The following WAPL variants were observed in gnomAD, a reference collection of about 807,000 sequenced individuals.
The protein encoded by WAPL is WAPL cohesin release factor.
Under a neutral mutation model 121.0 loss-of-function variants are expected in WAPL, and 5 were observed. That is an observed-to-expected ratio of 0.04 (90% CI 0.02 to 0.09). WAPL has a LOEUF of 0.09. WAPL is among the 10% of genes least tolerant of loss of function. WAPL has a pLI of 1.00. For missense variants in WAPL, 999 were observed against 1,410.8 expected (o/e 0.71, Z 4.68); for synonymous variants, 480 against 481.5 (o/e 1.00, Z 0.04).
At chr10:86,520,410 A>G (rs1453958364) in intron 1 of WAPL, among the ~76,000 whole-genome samples, 4 of 152,254 alleles carry the variant, frequency 2.6e-5, no homozygotes, top group Non-Finnish European at 5.9e-5. Context: ...TTAAGGAATG[A>G]GAAGTGTATA....
At chr10:86,500,879 AAC>A in intron 2 of WAPL, 136 bp from the exon 3 acceptor site, 1 of 771,976 alleles carries the variant, frequency 1.3e-6, no homozygotes, top group Non-Finnish European at 2.0e-6. Context: ...TGAAGAAATT[AAC>A]ATTTACATAT....
chr10:86,466,350 C>T (rs1397930945), intron 9 of WAPL, among the ~76,000 whole-genome samples: 1 of 152,140 alleles, frequency 6.6e-6, no homozygotes, highest in Non-Finnish European at 1.5e-5. Flanking sequence ...AGGAAGATCG[C>T]TTGAGCCCAG....
intron 3 of WAPL, among the ~76,000 whole-genome samples, chr10:86,499,374 C>A (rs371179397): frequency 6.6e-5 from 10 of 152,016 alleles, no homozygotes; most frequent in African/African-American, 2.4e-4. Context: ...TTAAAGTAGC[C>A]CCCCCAGCCA....
At chr10:86,493,030 G>C (rs563563048) in intron 4 of WAPL, among the ~76,000 whole-genome samples, 3 of 150,346 alleles carry the variant, frequency 2.0e-5, no homozygotes, top group Admixed American at 1.3e-4. Context: ...CACTGCACTC[G>C]AGCCTGGGTG....
In WAPL at chr10:86,437,546, G is replaced by C; in HGVS notation, c.3570C>G (p.Cys1190Trp). Reference sequence around the variant, plus strand: ...ACCTGAAGCAAAGGTAAAGCAGCTAGCAATGTTCCAAATATTCAATCACTC... The same window carrying C: ...ACCTGAAGCAAAGGTAAAGCAGCTACCAATGTTCCAAATATTCAATCACTC... ...ISRVIEYLEH[C>W] Residue 1190 changes from cysteine to tryptophan, a missense_variant, in exon 19 of 19, where the codon TGC becomes TGG. Coordinates refer to ENST00000298767, the MANE Select transcript of WAPL (RefSeq NM_015045.5). 1 of 1,613,688 alleles carries C rather than the reference G, an allele frequency of 6.2e-7. No individual in the cohort carries two copies. Among genetic ancestry groups the C allele is most frequent in the Non-Finnish European group, 8.5e-7 (1 of 1,179,874 alleles).
At chr10:86,507,668 G>A (rs1055898855) in intron 2 of WAPL, among the ~76,000 whole-genome samples, 5 of 150,596 alleles carry the variant, frequency 3.3e-5, no homozygotes. Flanking sequence ...GAAGCTTGCC[G>A]TATATCCTAA....
chr10:86,443,307 G>C lies in WAPL; in HGVS notation c.3379C>G (p.Leu1127Val), dbSNP rs747937318. ...TCCTGGCAGAGACACCCAAGAAGTAGTGCTGTGTAGGAGGCCACAATGCAA... is the reference window on the plus strand; with the variant it reads ...TCCTGGCAGAGACACCCAAGAAGTACTGCTGTGTAGGAGGCCACAATGCAA... ...EDCIVASYTALLLGCLCQESP... is the reference protein window; with the variant it reads ...EDCIVASYTAVLLGCLCQESP... The change falls in exon 17 of 19, where the codon CTA (leucine) becomes GTA (valine). Residue 1127 changes from leucine (L) to valine (V), a missense_variant. Leu to Val is a conservative substitution (Grantham distance 32). Coordinates refer to ENST00000298767, the MANE Select transcript of WAPL (RefSeq NM_015045.5). 6.2e-7 allele frequency: 1 copy of C among 1,613,888 alleles called. No homozygotes were observed. Among genetic ancestry groups the C allele is most frequent in the Non-Finnish European group, 8.5e-7 (1 of 1,179,984 alleles).
chr10:86,482,467 A>G (rs199684836), intron 4 of WAPL, among the ~76,000 whole-genome samples: 8 of 152,216 alleles, frequency 5.3e-5, no homozygotes, highest in Admixed American at 2.0e-4. Context: ...AGCGCCAAGA[A>G]GCAAAGGACA....
At chr10:86,446,935 G>T (rs560901795) in intron 15 of WAPL, among the ~76,000 whole-genome samples, 1 of 152,254 alleles carries the variant, frequency 6.6e-6, no homozygotes, top group East Asian at 1.9e-4. Context: ...GTATACAGAA[G>T]AGTGGTATAC....
chr10:86,520,498 C>T (rs1455701748), intron 1 of WAPL, among the ~76,000 whole-genome samples: 1 of 152,112 alleles, frequency 6.6e-6, no homozygotes. Flanking sequence ...AATATCTCCT[C>T]CTGATTGCCT....
At chr10:86,448,392 A>G (rs1313508444) in intron 15 of WAPL, among the ~76,000 whole-genome samples, 1 of 152,150 alleles carries the variant, frequency 6.6e-6, no homozygotes, top group Non-Finnish European at 1.5e-5. Flanking sequence ...TAAAGGCTGT[A>G]GTGAGCTGTG....
rs1274398706 is a variant in WAPL, at chr10:86,453,328, G to A, written c.2841C>T (p.Gly947=). The change falls in exon 14 of 19, where the codon GGC becomes GGT. Residue 947 remains glycine (G), a synonymous_variant. Coordinates refer to ENST00000298767, the MANE Select transcript of WAPL (RefSeq NM_015045.5). Reference sequence around the variant, plus strand: ...CGTCCTGCTCTCCTGTTTTGGTGCTGCCCCACTCTGAAATAAGAAATGGAT... The same window carrying A: ...CGTCCTGCTCTCCTGTTTTGGTGCTACCCCACTCTGAAATAAGAAATGGAT... ...LLNLTNDNEW[G]STKTGEQDGL... 10 of 1,613,864 alleles carry A rather than the reference G, an allele frequency of 6.2e-6. No individual in the cohort carries two copies. The Admixed American group carries it at 1.7e-4, about 27-fold the overall frequency.
intron 12 of WAPL, among the ~76,000 whole-genome samples, chr10:86,458,754 GA>G (rs1367894514): frequency 6.6e-6 from 1 of 152,092 alleles, no homozygotes. Flanking sequence ...TAAAGAGCTT[GA>G]TTTGTACATT....
At position 86,436,009 on chromosome 10, in the gene WAPL, G is replaced by C. The variant is rs1271642917; in HGVS notation, c.*1534C>G. On this transcript the variant is annotated 3_prime_UTR_variant, in exon 19 of 19. Coordinates refer to ENST00000298767, the MANE Select transcript of WAPL (RefSeq NM_015045.5). Reference sequence around the variant, plus strand: ...CACTGGCGTACTATGTTCTTAAAAGGTGATGGGTAGGGGTTGGGGTGGGTA... The same window carrying C: ...CACTGGCGTACTATGTTCTTAAAAGCTGATGGGTAGGGGTTGGGGTGGGTA... 1 of 152,448 alleles carries C rather than the reference G, an allele frequency of 6.6e-6. No individual in the cohort carries two copies. The highest frequency in any genetic ancestry group is 2.4e-5 in the African/African-American group (1 of 41,404). The allele number at this position is 152,448 out of a possible 1,614,324, so 9.4% of individuals were successfully genotyped here.
At chr10:86,513,671 C>CA (rs144429357) in intron 2 of WAPL, among the ~76,000 whole-genome samples, 6,882 of 152,142 alleles carry the variant, frequency 0.045, 211 homozygotes, top group South Asian at 0.1. Flanking sequence ...TTAACAGTGT[C>CA]AAAAAAATCA....
At chr10:86,486,141 T>A (rs1373663379) in intron 4 of WAPL, among the ~76,000 whole-genome samples, 2 of 152,226 alleles carry the variant, frequency 1.3e-5, no homozygotes, top group Non-Finnish European at 2.9e-5. Flanking sequence ...GAGAATATAG[T>A]GGATCTCACA....
intron 9 of WAPL, 41 bp from the exon 10 acceptor site, chr10:86,461,328 C>CA (rs1841268058): frequency 2.7e-6 from 4 of 1,491,070 alleles, no homozygotes; most frequent in Middle Eastern, 1.7e-4. Flanking sequence ...CAACTTTTAG[C>CA]AATAACTCTA....
intron 12 of WAPL, among the ~76,000 whole-genome samples, chr10:86,457,227 T>C (rs1841169536): frequency 6.6e-6 from 1 of 150,544 alleles, no homozygotes; most frequent in African/African-American, 2.5e-5. Context: ...CAGTGGCTAA[T>C]GCCTGTAATC....
intron 4 of WAPL, among the ~76,000 whole-genome samples, 182 bp from the exon 5 acceptor site, chr10:86,474,155 T>C (rs1309288005): frequency 6.6e-6 from 1 of 152,208 alleles, no homozygotes; most frequent in Non-Finnish European, 1.5e-5. Context: ...ACTGTAGTAC[T>C]AGGTCACAAA....
Sources: allele counts gnomAD v4.1 joint callset (sites outside exome capture counted in the v4.1 genomes callset), GRCh38; gene constraint gnomAD v4.1.1; transcripts MANE v1.5; gene names NCBI Gene and HGNC (gene_info 2026-07-23, HGNC 2026-07-21).